RBFOX1: variants seen among roughly 807,000 people sequenced by gnomAD.
RBFOX1 encodes the protein RNA binding protein fox-1 homolog 1.
Under a neutral mutation model 57.7 loss-of-function variants are expected in RBFOX1, and 8 were observed. The ratio of observed to expected loss-of-function variants is 0.14; its 90% CI spans 0.08 to 0.25. The LOEUF (loss-of-function observed/expected upper bound fraction) is 0.25. Ranked by LOEUF, RBFOX1 falls within the 10% of genes least tolerant of loss-of-function variation. RBFOX1 has a pLI of 1.00. For synonymous variants in RBFOX1, 326 were observed against 222.4 expected (o/e 1.47, Z -4.15); for missense variants, 611 against 548.5 (o/e 1.11, Z -1.14).
At chr16:6,307,691 G>T (rs2079693547) in intron 1 of RBFOX1, among the ~76,000 whole-genome samples, 1 of 146,324 alleles carries the variant, frequency 6.8e-6, no homozygotes, top group Non-Finnish European at 1.5e-5. Flanking sequence ...TTTTATAAAT[G>T]ATAATCATTT....
chr16:6,012,049 C>T (rs963157409), intron 4 of RBFOX1, among the ~76,000 whole-genome samples: 1 of 152,198 alleles, frequency 6.6e-6, no homozygotes, highest in Non-Finnish European at 1.5e-5. Context: ...TTACCCTGTG[C>T]CAGGCACAAC....
chr16:5,488,874 G>T (rs1302941361), intron 2 of RBFOX1, among the ~76,000 whole-genome samples: 1 of 152,186 alleles, frequency 6.6e-6, no homozygotes, highest in Non-Finnish European at 1.5e-5. Context: ...GGATTATGGA[G>T]ATGATGATGA....
Position 5,318,808 on chromosome 16 carries a change from G to A in RBFOX1, c.219+78703G>A, listed in dbSNP as rs990266137. On this transcript the variant is annotated intron_variant, in intron 1 of 2. Transcript: ENST00000585867. Reference sequence around the variant, plus strand: ...TTAACATAGGGAGATATTCCAGGTGGGCCTGACCTAATTGCGTGAGCCCTT... The same window carrying A: ...TTAACATAGGGAGATATTCCAGGTGAGCCTGACCTAATTGCGTGAGCCCTT... Among the ~76,000 whole-genome samples the A allele has an allele frequency of 3.3e-5, 5 of 152,128 alleles. No homozygotes were observed. The East Asian group carries it at 5.8e-4, about 18-fold the overall frequency.
At chr16:6,173,995 A>C (rs975985075) in intron 1 of RBFOX1, among the ~76,000 whole-genome samples, 2 of 152,054 alleles carry the variant, frequency 1.3e-5, no homozygotes, top group Non-Finnish European at 2.9e-5. Context: ...ACCTTGGAGA[A>C]CTTTGAAAAT....
At chr16:5,483,674 TCTG>T (rs2069625866) in intron 2 of RBFOX1, among the ~76,000 whole-genome samples, 1 of 152,226 alleles carries the variant, frequency 6.6e-6, no homozygotes, top group Non-Finnish European at 1.5e-5. Context: ...CGCCTTCTGA[TCTG>T]CTGATAAAGC....
At chr16:7,530,411 G>C (rs1229402566) in intron 5 of RBFOX1, among the ~76,000 whole-genome samples, 1 of 151,916 alleles carries the variant, frequency 6.6e-6, no homozygotes, top group Admixed American at 6.6e-5. Flanking sequence ...TACACTGTAA[G>C]TCTCTGTTTC....
At chr16:6,565,805 GA>G (rs940286536) in intron 2 of RBFOX1, among the ~76,000 whole-genome samples, 3 of 152,112 alleles carry the variant, frequency 2.0e-5, no homozygotes, top group Non-Finnish European at 2.9e-5. Context: ...CTCACCTGAT[GA>G]AAAAAAGAGC....
intron 4 of RBFOX1, among the ~76,000 whole-genome samples, chr16:7,473,875 C>G (rs541566329): frequency 6.6e-6 from 1 of 152,170 alleles, no homozygotes; most frequent in Non-Finnish European, 1.5e-5. Flanking sequence ...TGCCAAATTA[C>G]CTAAGTGCCA....
intron 1 of RBFOX1, among the ~76,000 whole-genome samples, chr16:5,466,577 T>A (rs1294671921): frequency 1.3e-5 from 2 of 152,204 alleles, no homozygotes; most frequent in Non-Finnish European, 2.9e-5. Flanking sequence ...TGGGGTGTTT[T>A]AAGAAAGAAA....
intron 4 of RBFOX1, among the ~76,000 whole-genome samples, chr16:7,406,430 G>T (rs2098341229): frequency 1.3e-5 from 2 of 152,178 alleles, no homozygotes; most frequent in African/African-American, 2.4e-5. Context: ...TTTTCATCCA[G>T]TCCCTTCCTT....
rs143070777 is a variant in RBFOX1, at chr16:7,453,733, C to G, written c.28-64414C>G. Among the ~76,000 whole-genome samples the G allele has an allele frequency of 5.7e-3, 865 of 152,260 alleles. 3 individuals are homozygous for G. The highest frequency in any genetic ancestry group is 8.6e-3 in the Non-Finnish European group (588 of 68,020). ...AGCATCCTTGCCTCTGAGCAATGCA[C>G]AGACTAAGGAGATGGAAGTCATAGA... On this transcript the variant is annotated intron_variant, in intron 4 of 15. Transcript: ENST00000550418.
At chr16:5,339,109 A>C (rs1261765294) in intron 1 of RBFOX1, among the ~76,000 whole-genome samples, 1 of 152,038 alleles carries the variant, frequency 6.6e-6, no homozygotes, top group Non-Finnish European at 1.5e-5. Flanking sequence ...TCTTGAACTC[A>C]TTCCTCCTGT....
intron 2 of RBFOX1, among the ~76,000 whole-genome samples, chr16:5,568,245 C>A (rs949042678): frequency 6.6e-6 from 1 of 152,218 alleles, no homozygotes; most frequent in Non-Finnish European, 1.5e-5. Flanking sequence ...GTGCTGCATT[C>A]TCTGTGCACG....
intron 1 of RBFOX1, among the ~76,000 whole-genome samples, chr16:6,171,118 GCTAGATCAAATGGTAGTT>G (rs2096956965): frequency 6.6e-6 from 1 of 152,124 alleles, no homozygotes; most frequent in African/African-American, 2.4e-5. Context: ...TGATGGGATC[GCTAGATCAAATGGTAGTT>G]CTGTTTTTAG....
chr16:5,964,235 G>A (rs1211138502), intron 4 of RBFOX1, among the ~76,000 whole-genome samples: 1 of 152,110 alleles, frequency 6.6e-6, no homozygotes, highest in Non-Finnish European at 1.5e-5. Flanking sequence ...GTTGTCCAAA[G>A]GCCAAAACGT....
chr16:6,354,219 C>T (rs1440804218), intron 2 of RBFOX1, among the ~76,000 whole-genome samples: 1 of 151,716 alleles, frequency 6.6e-6, no homozygotes, highest in Non-Finnish European at 1.5e-5. Context: ...GACACTGGGT[C>T]AACACACAGA....
chr16:7,549,753 C>T (rs1425396934), intron 5 of RBFOX1, among the ~76,000 whole-genome samples: 8 of 152,050 alleles, frequency 5.3e-5, no homozygotes, highest in Non-Finnish European at 1.0e-4. Flanking sequence ...CCACGCTGAC[C>T]ACTGATTAGA....
At chr16:6,351,584 G>C (rs2086408871) in intron 2 of RBFOX1, among the ~76,000 whole-genome samples, 1 of 151,726 alleles carries the variant, frequency 6.6e-6, no homozygotes, top group South Asian at 2.1e-4. Flanking sequence ...ATTTTGGCCA[G>C]GGTGGTCTCG....
chr16:7,666,895 A>G (rs1399984855), intron 13 of RBFOX1, among the ~76,000 whole-genome samples: 1 of 152,164 alleles, frequency 6.6e-6, no homozygotes, highest in Non-Finnish European at 1.5e-5. Flanking sequence ...GCAGCGGTGC[A>G]GCTCGGGAAG....
Sources: allele counts gnomAD v4.1 joint callset (sites outside exome capture counted in the v4.1 genomes callset), GRCh38; gene constraint gnomAD v4.1.1; transcripts MANE v1.5; gene names NCBI Gene and HGNC (gene_info 2026-07-23, HGNC 2026-07-21).